CCDC7: variants seen among roughly 807,000 people sequenced by gnomAD.
CCDC7 encodes coiled-coil domain containing 7.
Under a neutral mutation model 196.9 loss-of-function variants are expected in CCDC7, and 183 were observed. The ratio of observed to expected loss-of-function variants is 0.93; its 90% CI spans 0.82 to 1.05. The LOEUF (loss-of-function observed/expected upper bound fraction) is 1.05, where lower values mean the gene tolerates loss of function less well. Ranked by LOEUF, CCDC7 falls within the 50% of genes least tolerant of loss-of-function variation. The pLI is 0.00. For missense variants in CCDC7, 1,540 were observed against 1,482.2 expected (o/e 1.04, Z -0.64); for synonymous variants, 525 against 484.6 (o/e 1.08, Z -1.10).
exon 3 of CCDC7, chr10:32,456,314 G>T: frequency 6.4e-7 from 1 of 1,571,708 alleles, no homozygotes; most frequent in Non-Finnish European, 8.7e-7. Context: ...GCTAGAAGAA[G>T]CACTTAAAGA....
At chr10:32,738,473 C>CT (rs33944221) in intron 28 of CCDC7, among the ~76,000 whole-genome samples, 18,173 of 109,586 alleles carry the variant, frequency 0.17, 1,928 homozygotes, top group East Asian at 0.32. Flanking sequence ...GTTTCTTTCA[C>CT]TTTTTTTTTT....
chr10:32,626,915 A>G (rs1014875029), intron 18 of CCDC7, among the ~76,000 whole-genome samples: 4 of 151,768 alleles, frequency 2.6e-5, no homozygotes, highest in African/African-American at 4.8e-5. Context: ...TGGTGTGTCT[A>G]CTTTTTTTGG....
chr10:32,479,025 G>C (rs1038722234), intron 8 of CCDC7, among the ~76,000 whole-genome samples: 1 of 151,938 alleles, frequency 6.6e-6, no homozygotes, highest in Non-Finnish European at 1.5e-5. Context: ...TGTGAGTTTT[G>C]GTAGATTGTG....
intron 21 of CCDC7, among the ~76,000 whole-genome samples, chr10:32,667,745 A>G (rs2140571020): frequency 6.6e-6 from 1 of 152,318 alleles, no homozygotes; most frequent in African/African-American, 2.4e-5. Flanking sequence ...TTTTGGTACC[A>G]GCACCATGCT....
chr10:32,656,476 G>T (rs2069892274), intron 20 of CCDC7, among the ~76,000 whole-genome samples: 1 of 152,218 alleles, frequency 6.6e-6, no homozygotes, highest in Non-Finnish European at 1.5e-5. Context: ...CATGGCAGAA[G>T]GGGAAGCAAA....
chr10:32,622,239 T>G (rs906526255), intron 18 of CCDC7, among the ~76,000 whole-genome samples: 4 of 152,174 alleles, frequency 2.6e-5, no homozygotes, highest in African/African-American at 9.6e-5. Flanking sequence ...ATTGGACCCA[T>G]AGAGTCCTAT....
At chr10:32,851,648 G>A (rs1179794569) in intron 39 of CCDC7, among the ~76,000 whole-genome samples, 159 bp from the exon 41 acceptor site, 1 of 152,026 alleles carries the variant, frequency 6.6e-6, no homozygotes, top group Non-Finnish European at 1.5e-5. Flanking sequence ...AGGGGATATT[G>A]AAATTTTGTT....
At chr10:32,527,754 A>C (rs1332641310) in intron 11 of CCDC7, among the ~76,000 whole-genome samples, 1 of 152,182 alleles carries the variant, frequency 6.6e-6, no homozygotes, top group African/African-American at 2.4e-5. Flanking sequence ...GAAATCTGAG[A>C]AGTAGTCTGT....
At chr10:32,469,770 C>T (rs2133875149) in intron 5 of CCDC7, among the ~76,000 whole-genome samples, 3 of 152,218 alleles carry the variant, frequency 2.0e-5, no homozygotes, top group Non-Finnish European at 4.4e-5. Flanking sequence ...AAATATACTA[C>T]ACACTACCTG....
At chr10:32,668,250 C>A (rs2073255696) in intron 21 of CCDC7, among the ~76,000 whole-genome samples, 2 of 152,152 alleles carry the variant, frequency 1.3e-5, no homozygotes, top group Admixed American at 1.3e-4. Context: ...AGTTGCCTAT[C>A]AGCTTAAGGA....
At chr10:32,526,745 G>A (rs995501294) in intron 11 of CCDC7, among the ~76,000 whole-genome samples, 4 of 152,064 alleles carry the variant, frequency 2.6e-5, no homozygotes, top group Non-Finnish European at 5.9e-5. Context: ...ACTCTCCTTG[G>A]TGCCCTATCC....
chr10:32,827,450 C>T (rs1217772336), intron 32 of CCDC7, among the ~76,000 whole-genome samples: 2 of 152,208 alleles, frequency 1.3e-5, no homozygotes, highest in African/African-American at 2.4e-5. Flanking sequence ...ATCTTGCATG[C>T]AATGCTTCTG....
rs2092475861 is a variant in CCDC7, at chr10:32,834,808, T to C, written c.3269-7T>C. The C allele has an allele frequency of 7.5e-7, 1 of 1,338,516 alleles. No individual in the cohort carries two copies. The highest frequency in any genetic ancestry group is 1.1e-6 in the Non-Finnish European group (1 of 940,688). 82.9% of individuals were successfully genotyped at this position (1,338,516 alleles called of 1,614,324 possible). A position where few individuals can be genotyped will look rare whatever the true frequency, so the allele number is the denominator to read the frequency against. On this transcript the variant is annotated splice_polypyrimidine_tract_variant and splice_region_variant and intron_variant, in intron 32 of 41. Coordinates refer to ENST00000639629, the Ensembl canonical transcript of CCDC7. ...AAGCGTTTTGAAAACCTGTTTTATT[T>C]TTATAGAGACTGTCTTAAAACACTT...
At chr10:32,588,831 A>G (rs1182111946) in intron 18 of CCDC7, among the ~76,000 whole-genome samples, 1 of 151,970 alleles carries the variant, frequency 6.6e-6, no homozygotes, top group African/African-American at 2.4e-5. Flanking sequence ...TACTAGTTAT[A>G]GGTCTGTTCA....
chr10:32,600,833 C>T (rs1384312777), intron 18 of CCDC7, among the ~76,000 whole-genome samples: 2 of 152,128 alleles, frequency 1.3e-5, no homozygotes, highest in South Asian at 2.1e-4. Context: ...TTTATTTCTT[C>T]ATATGGCTTT....
At chr10:32,462,174 G>GT (rs1253704349) in intron 3 of CCDC7, among the ~76,000 whole-genome samples, 1 of 152,116 alleles carries the variant, frequency 6.6e-6, no homozygotes, top group East Asian at 1.9e-4. Context: ...CATGCTCAGT[G>GT]TTTTGGGAGA....
chr10:32,692,916 C>A (rs73259489), intron 23 of CCDC7, among the ~76,000 whole-genome samples: 1,834 of 152,198 alleles, frequency 0.012, 43 homozygotes, highest in African/African-American at 0.042. Context: ...ATTTTATGGA[C>A]CCTGAGGCTG....
chr10:32,842,341 A>T (rs1402276081), intron 33 of CCDC7, among the ~76,000 whole-genome samples: 1 of 152,126 alleles, frequency 6.6e-6, no homozygotes, highest in East Asian at 1.9e-4. Flanking sequence ...CATATGGAAA[A>T]ATGCTCAACA....
intron 33 of CCDC7, among the ~76,000 whole-genome samples, chr10:32,843,941 G>GT (rs1370058903): frequency 1.3e-5 from 2 of 151,852 alleles, no homozygotes; most frequent in African/African-American, 4.8e-5. Flanking sequence ...GATTTCACTG[G>GT]TGGTATATTT....
Sources: gnomAD v4.1 joint callset for allele counts (sites outside exome capture counted in the v4.1 genomes callset) on GRCh38, gnomAD v4.1.1 for gene constraint, MANE v1.5 for transcripts, NCBI Gene and HGNC (gene_info 2026-07-23, HGNC 2026-07-21) for gene names.